SPAG16: variants seen among roughly 807,000 people sequenced by gnomAD.
SPAG16 encodes the protein sperm associated antigen 16, also known as sperm-associated antigen 16 protein.
Under a neutral mutation model 80.4 loss-of-function variants are expected in SPAG16, and 86 were observed. The observed-to-expected ratio is 1.07, with a 90% CI of 0.90 to 1.28. The LOEUF (loss-of-function observed/expected upper bound fraction) is 1.28, where lower values mean the gene tolerates loss of function less well. SPAG16 is among the 50% of genes most tolerant of loss of function. The probability of loss-of-function intolerance (pLI) is 0.00; values close to 1 mark genes in which losing one functional copy is unlikely to be tolerated. For missense variants in SPAG16, 870 were observed against 765.3 expected (o/e 1.14, Z -1.61); for synonymous variants, 294 against 265.9 (o/e 1.11, Z -1.03).
chr2:213,331,414 C>T (rs1297709781), intron 5 of SPAG16, among the ~76,000 whole-genome samples: 1 of 152,132 alleles, frequency 6.6e-6, no homozygotes, highest in African/African-American at 2.4e-5. Flanking sequence ...TATATATGCA[C>T]CCAACACTGG....
intron 6 of SPAG16, among the ~76,000 whole-genome samples, chr2:213,342,954 G>A (rs1243288446): frequency 6.6e-6 from 1 of 151,938 alleles, no homozygotes; most frequent in East Asian, 1.9e-4. Flanking sequence ...TCAGAGCTGA[G>A]GAGGCAGAGA....
At chr2:213,681,585 A>G (rs924414568) in intron 10 of SPAG16, among the ~76,000 whole-genome samples, 2 of 152,136 alleles carry the variant, frequency 1.3e-5, no homozygotes, top group Non-Finnish European at 2.9e-5. Flanking sequence ...TGAGACAGGC[A>G]TCCATTCTTA....
chr2:213,783,208 C>T (rs1342610146), intron 10 of SPAG16, among the ~76,000 whole-genome samples: 6 of 151,312 alleles, frequency 4.0e-5, no homozygotes, highest in Non-Finnish European at 8.8e-5. Flanking sequence ...TCATCCATGT[C>T]CCTACAAAGG....
chr2:213,957,354 A>AT (rs2044199446), intron 12 of SPAG16, among the ~76,000 whole-genome samples: 1 of 152,166 alleles, frequency 6.6e-6, no homozygotes. Context: ...TGAAACTTTT[A>AT]CTAATATATG....
intron 15 of SPAG16, among the ~76,000 whole-genome samples, chr2:214,163,637 T>TATAGAG (rs1553518019): frequency 2.0e-5 from 3 of 149,030 alleles, no homozygotes; most frequent in African/African-American, 4.9e-5. Flanking sequence ...CATATATATA[T>TATAGAG]AGAGAGAGAG....
chr2:214,302,654 T>A (rs1284800293), intron 15 of SPAG16, among the ~76,000 whole-genome samples: 1 of 152,060 alleles, frequency 6.6e-6, no homozygotes, highest in East Asian at 1.9e-4. Context: ...CTAATTTTTT[T>A]GTATTTTTAT....
At chr2:213,397,631 C>T (rs1207966244) in intron 9 of SPAG16, among the ~76,000 whole-genome samples, 1 of 152,144 alleles carries the variant, frequency 6.6e-6, no homozygotes, top group Non-Finnish European at 1.5e-5. Flanking sequence ...TCCTTGACAG[C>T]CTCTCCTCCA....
At position 213,862,573 on chromosome 2, in the gene SPAG16, C is replaced by A. The variant is rs771897940; in HGVS notation, c.1159C>A (p.Leu387Ile). The A allele has an allele frequency of 8.7e-6, 14 of 1,614,152 alleles. No homozygotes were observed. The highest frequency in any genetic ancestry group is 8.3e-5 in the Admixed American group (5 of 60,006). ...KVLGLPKCNV[L>I]LTGFGHTDWL... ...GTTGGGCCTTCCAAAATGCAATGTG[C>A]TTCTCACGGGATTTGGCCACACTGA... is the stretch of plus-strand genomic sequence containing the variant. The change falls in exon 11 of 16, where the codon CTT (leucine) becomes ATT (isoleucine). Residue 387 changes from leucine to isoleucine, a missense_variant. Physicochemically the swap from Leu to Ile is conservative, Grantham distance 5 (BLOSUM62 2). Coordinates refer to ENST00000331683, the MANE Select transcript of SPAG16 (RefSeq NM_024532.5).
Position 213,728,876 on chromosome 2 carries a change from C to CA in SPAG16, c.1071-133564dup, listed in dbSNP as rs58070679. Among the ~76,000 whole-genome samples the CA allele has an allele frequency of 5.5e-4, 32 of 58,454 alleles. 3 individuals are homozygous for CA. The highest frequency in any genetic ancestry group is 1.0e-3 in the Admixed American group (4 of 3,840). 38.3% of individuals were successfully genotyped at this position (58,454 alleles called of 152,430 possible). A position where few individuals can be genotyped will look rare whatever the true frequency, so the allele number is the denominator to read the frequency against. On this transcript the variant is annotated intron_variant, in intron 10 of 15. Coordinates refer to ENST00000331683, the MANE Select transcript of SPAG16 (RefSeq NM_024532.5). ...TGGGCGACAGAGTGAGACTCCGTCT[C>CA]AAAAAAAAAAAAAAAAAAAAAAAAA...
chr2:214,387,572 G>A (rs764702922), intron 15 of SPAG16, among the ~76,000 whole-genome samples: 35 of 152,174 alleles, frequency 2.3e-4, no homozygotes, highest in Non-Finnish European at 4.0e-4. Context: ...ATTCAAAAGT[G>A]TGGTATATGT....
chr2:214,257,933 G>A (rs192838891), intron 15 of SPAG16, among the ~76,000 whole-genome samples: 63 of 152,068 alleles, frequency 4.1e-4, no homozygotes, highest in Admixed American at 1.2e-3. Context: ...CCATATGGGC[G>A]TATAGTTTTT....
chr2:213,673,508 C>T (rs534728198), intron 10 of SPAG16, among the ~76,000 whole-genome samples: 2 of 152,202 alleles, frequency 1.3e-5, no homozygotes, highest in African/African-American at 4.8e-5. Context: ...ATACAGTAGG[C>T]TGTTTTATAG....
intron 1 of SPAG16, among the ~76,000 whole-genome samples, chr2:213,288,291 A>C (rs1464137698): frequency 6.6e-6 from 1 of 152,068 alleles, no homozygotes; most frequent in Non-Finnish European, 1.5e-5. Context: ...TTTAATTAAA[A>C]TTGAAGTTTT....
chr2:213,479,092 TC>T (rs1273241179), intron 9 of SPAG16, among the ~76,000 whole-genome samples: 4,669 of 136,300 alleles, frequency 0.034, 309 homozygotes, highest in African/African-American at 0.12. Context: ...CACACTGGCT[TC>T]CTTTTTTTTT....
At chr2:213,978,565 T>G (rs1318673005) in intron 12 of SPAG16, among the ~76,000 whole-genome samples, 2 of 152,150 alleles carry the variant, frequency 1.3e-5, no homozygotes, top group Non-Finnish European at 2.9e-5. Context: ...TTTCTAAATT[T>G]TGTGTTATTT....
chr2:214,219,820 C>A (rs1255959181), intron 15 of SPAG16, among the ~76,000 whole-genome samples: 1 of 152,080 alleles, frequency 6.6e-6, no homozygotes, highest in African/African-American at 2.4e-5. Flanking sequence ...TGTGGCAATT[C>A]CCAGCTGTTT....
At chr2:213,978,741 C>T (rs1033644372) in intron 12 of SPAG16, among the ~76,000 whole-genome samples, 1 of 152,006 alleles carries the variant, frequency 6.6e-6, no homozygotes, top group Non-Finnish European at 1.5e-5. Context: ...TCTGGTGCTG[C>T]AGTATTCTGA....
At chr2:214,198,234 C>A (rs1028995423) in intron 15 of SPAG16, among the ~76,000 whole-genome samples, 1 of 151,802 alleles carries the variant, frequency 6.6e-6, no homozygotes, top group Non-Finnish European at 1.5e-5. Flanking sequence ...GTCTTTTATC[C>A]CTCACCTCTC....
intron 10 of SPAG16, among the ~76,000 whole-genome samples, chr2:213,820,723 G>T (rs978555714): frequency 6.6e-6 from 1 of 151,856 alleles, no homozygotes; most frequent in Admixed American, 6.6e-5. Context: ...ATAGATTTAT[G>T]ATTTAATATC....
Sources: allele counts gnomAD v4.1 joint callset (sites outside exome capture counted in the v4.1 genomes callset), GRCh38; gene constraint gnomAD v4.1.1; transcripts MANE v1.5; gene names NCBI Gene and HGNC (gene_info 2026-07-23, HGNC 2026-07-21).